C21orf91: variants seen among roughly 807,000 people sequenced by gnomAD.
C21orf91 encodes the protein chromosome 21 open reading frame 91.
C21orf91 carries 26 observed loss-of-function variants against 32.9 expected under a neutral mutation model. The ratio of observed to expected loss-of-function variants is 0.79; its 90% CI spans 0.58 to 1.10. The LOEUF (loss-of-function observed/expected upper bound fraction) is 1.10, where lower values mean the gene tolerates loss of function less well. Among genes scored for constraint, C21orf91 ranks in the 50% least tolerant of loss-of-function variants. The pLI is 0.00. For synonymous variants in C21orf91, 126 were observed against 120.4 expected, an observed-to-expected ratio of 1.05 and a Z score of -0.31; for missense variants, 310 against 341.3, an observed-to-expected ratio of 0.91 and a Z score of 0.72.
chr21:17,802,861 G>C (rs1281274577), intron 2 of C21orf91, among the ~76,000 whole-genome samples: 3 of 152,184 alleles, frequency 2.0e-5, no homozygotes, highest in Admixed American at 6.5e-5. Context: ...ACTATATGTT[G>C]AATTGGATTA....
rs780460019 is a variant in C21orf91 at position 17,793,532 on chromosome 21, G to A, written c.777C>T (p.Ala259=). The part of the protein sequence containing the change: ...THQVQEKDSL[A]SQLHVRHVAI... Reference sequence around the variant, plus strand: ...CAACGTGGCGGACATGGAGCTGTGAGGCCAAAGAATCTTTTTCTTGCACTT... The same window carrying A: ...CAACGTGGCGGACATGGAGCTGTGAAGCCAAAGAATCTTTTTCTTGCACTT... The change falls in exon 5 of 5, where the codon GCC becomes GCT. Residue 259 remains alanine (A), a synonymous_variant. Coordinates refer to ENST00000284881, the MANE Select transcript of C21orf91 (RefSeq NM_001100420.2). 6.2e-7 allele frequency: 1 copy of A among 1,613,600 alleles called. No homozygotes were observed. Among genetic ancestry groups the A allele is most frequent in the Non-Finnish European group, 8.5e-7 (1 of 1,179,656 alleles).
At chr21:17,818,149 G>C (rs752705199) in intron 2 of C21orf91, 43 bp downstream of exon 2, 2 of 1,505,308 alleles carry the variant, frequency 1.3e-6, no homozygotes, top group East Asian at 2.3e-5. Flanking sequence ...AAGCAGCTGT[G>C]TTAAATTCAT....
rs895250566 is a variant in C21orf91, at chr21:17,789,134, C to A, written c.*4281G>T. 1 of 151,512 alleles carries A rather than the reference C, an allele frequency of 6.6e-6. No individual in the cohort carries two copies. The highest frequency in any genetic ancestry group is 1.5e-5 in the Non-Finnish European group (1 of 67,950). The allele number at this position is 151,512 out of a possible 1,614,324, so 9.4% of individuals were successfully genotyped here. On this transcript the variant is annotated 3_prime_UTR_variant, in exon 5 of 5. Coordinates refer to ENST00000284881, the MANE Select transcript of C21orf91 (RefSeq NM_001100420.2). The stretch of plus-strand genomic sequence containing the variant: ...TTTTTTGAAACAAACTTGGTTTTTA[C>A]CACAGCAGTTTCATTTTCTTTTTCC...
intron 2 of C21orf91, among the ~76,000 whole-genome samples, chr21:17,802,626 CAT>C (rs935917037): frequency 2.6e-5 from 4 of 152,214 alleles, no homozygotes; most frequent in African/African-American, 9.6e-5. Flanking sequence ...AGTTCTACCA[CAT>C]GTCCCATGAT....
At chr21:17,802,732 G>A (rs1372081259) in intron 2 of C21orf91, among the ~76,000 whole-genome samples, 1 of 152,194 alleles carries the variant, frequency 6.6e-6, no homozygotes, top group Non-Finnish European at 1.5e-5. Context: ...TGATTCACCA[G>A]CTGGTCCTGT....
Position 17,791,661 on chromosome 21 carries a change from G to T in C21orf91, c.*1754C>A, listed in dbSNP as rs928329589. 6.6e-6 allele frequency: 1 copy of T among 152,016 alleles called. No individual in the cohort carries two copies. Among genetic ancestry groups the T allele is most frequent in the African/African-American group, 2.4e-5 (1 of 41,400 alleles). The allele number at this position is 152,016 out of a possible 1,614,324, so 9.4% of individuals were successfully genotyped here. ...CAATTAAGCACTAAGATATTAATCA[G>T]GAAATGTATTTACCCAGCTTGTAAG... On this transcript the variant is annotated 3_prime_UTR_variant, in exon 5 of 5. Transcript: ENST00000284881.
At chr21:17,818,575 T>C (rs1600894210) in intron 1 of C21orf91, among the ~76,000 whole-genome samples, 2 of 152,210 alleles carry the variant, frequency 1.3e-5, no homozygotes, top group South Asian at 4.1e-4. Flanking sequence ...CTATAGTTGA[T>C]TGGGTTAGTG....
chr21:17,817,591 A>G (rs1349798721), intron 2 of C21orf91: 3 of 152,058 alleles, frequency 2.0e-5, no homozygotes, highest in Non-Finnish European at 2.9e-5. Flanking sequence ...AATCCTTCCA[A>G]TAGGGCTTTT....
Position 17,790,903 on chromosome 21 carries a change from A to C in C21orf91, c.*2512T>G, listed in dbSNP as rs150268877. 416 of 152,206 alleles carry C rather than the reference A, an allele frequency of 2.7e-3. 1 individual carries two copies. The highest frequency in any genetic ancestry group is 9.7e-3 in the African/African-American group (402 of 41,576). The allele number at this position is 152,206 out of a possible 1,614,324, so 9.4% of individuals were successfully genotyped here. On this transcript the variant is annotated 3_prime_UTR_variant, in exon 5 of 5. Coordinates refer to ENST00000284881, the MANE Select transcript of C21orf91 (RefSeq NM_001100420.2). ...AGATTTGTCTTATCTCACTCCCCTT[A>C]ATCATATAAGCTCTGAAAATTTAGT... is the stretch of plus-strand genomic sequence containing the variant.
intron 2 of C21orf91, among the ~76,000 whole-genome samples, chr21:17,816,256 A>G (rs2062664335): frequency 6.6e-6 from 1 of 152,244 alleles, no homozygotes; most frequent in Admixed American, 6.5e-5. Flanking sequence ...ATCAGAGCTG[A>G]AATGTTAAGA....
Position 17,791,089 on chromosome 21 carries a change from C to T in C21orf91, c.*2326G>A, listed in dbSNP as rs1422348732. Reference sequence around the variant, plus strand: ...TCTCTTGTTAGAACTCAACTCTGTACCTGATACTTATATTTGCATACACAG... The same window carrying T: ...TCTCTTGTTAGAACTCAACTCTGTATCTGATACTTATATTTGCATACACAG... On this transcript the variant is annotated 3_prime_UTR_variant, in exon 5 of 5. Coordinates refer to ENST00000284881, the MANE Select transcript of C21orf91 (RefSeq NM_001100420.2). The T allele has an allele frequency of 1.3e-5, 2 of 151,998 alleles. No individual in the cohort carries two copies. The highest frequency in any genetic ancestry group is 2.4e-5 in the African/African-American group (1 of 41,424). The allele number at this position is 151,998 out of a possible 1,614,324, so 9.4% of individuals were successfully genotyped here.
At position 17,789,235 on chromosome 21, in the gene C21orf91, A is replaced by G. The variant is rs1190179273; in HGVS notation, c.*4180T>C. ...AAGTTCAATGACCATAGTATACGCT[A>G]CTGTTTTAAAGCAAGGTTCACACAC... On this transcript the variant is annotated 3_prime_UTR_variant, in exon 5 of 5. Coordinates refer to ENST00000284881, the MANE Select transcript of C21orf91 (RefSeq NM_001100420.2). 1 of 144,300 alleles carries G rather than the reference A, an allele frequency of 6.9e-6. No individual in the cohort carries two copies. Among genetic ancestry groups the G allele is most frequent in the Non-Finnish European group, 1.5e-5 (1 of 66,944 alleles). The allele number at this position is 144,300 out of a possible 1,614,324, so 8.9% of individuals were successfully genotyped here.
rs1406114391 is a variant in C21orf91, at chr21:17,790,192, A to G, written c.*3223T>C. The G allele has an allele frequency of 6.6e-6, 1 of 152,132 alleles. No homozygotes were observed. The highest frequency in any genetic ancestry group is 1.9e-4 in the East Asian group (1 of 5,198). The allele number at this position is 152,132 out of a possible 1,614,324, so 9.4% of individuals were successfully genotyped here. A position where few individuals can be genotyped will look rare whatever the true frequency, so the allele number is the denominator to read the frequency against. On this transcript the variant is annotated 3_prime_UTR_variant, in exon 5 of 5. Transcript: ENST00000284881. ...TACACAAATAATTTACTCTTTAAAA[A>G]TTCCTACTTTAGAGCATTTACATTT...
rs76258208 is a variant in C21orf91 at position 17,803,077 on chromosome 21, T to A, written c.128-5959A>T. Among the ~76,000 whole-genome samples the A allele has an allele frequency of 8.5e-4, 129 of 152,322 alleles. 3 individuals carry two copies. The East Asian group carries it at 0.024, about 28-fold the overall frequency. ...TAGGGAACTGGGAGTATGGGTTTGC[T>A]AAATGGTGGGCTTATGTGTTCTTTC... On this transcript the variant is annotated intron_variant, in intron 2 of 4. Coordinates refer to ENST00000284881, the MANE Select transcript of C21orf91 (RefSeq NM_001100420.2).
intron 2 of C21orf91, among the ~76,000 whole-genome samples, chr21:17,805,931 G>A (rs935175553): frequency 5.3e-5 from 8 of 151,986 alleles, no homozygotes; most frequent in African/African-American, 1.9e-4. Context: ...CTTACATGGG[G>A]CATATGGAGA....
In C21orf91 at chr21:17,818,303, G is replaced by A; in HGVS notation, c.16C>T (p.Gln6Ter). Residue 6 changes from glutamine to a stop codon, truncating the protein, a stop_gained, in exon 2 of 5, where the codon CAG (glutamine) becomes TAG (stop). Transcript: ENST00000284881. LOFTEE classifies it high-confidence loss of function. The part of the protein sequence containing the change: MNEEE[Q>*]FVNIDLNDDN... The stretch of plus-strand genomic sequence containing the variant: ...TCATTCAAATCAATGTTTACAAACT[G>A]CTCCTCTTCGTTCATAGTGCCCCTA... The A allele has an allele frequency of 6.2e-7, 1 of 1,610,670 alleles. No homozygotes were observed. Among genetic ancestry groups the A allele is most frequent in the Middle Eastern group, 1.7e-4 (1 of 6,044 alleles).
intron 2 of C21orf91, among the ~76,000 whole-genome samples, chr21:17,805,288 C>A (rs1470059594): frequency 6.6e-6 from 1 of 152,168 alleles, no homozygotes; most frequent in African/African-American, 2.4e-5. Context: ...GAAGCTATCA[C>A]CATTTCTTTT....
At chr21:17,808,999 C>T (rs1217933387) in intron 2 of C21orf91, 1 of 152,316 alleles carries the variant, frequency 6.6e-6, no homozygotes, top group Non-Finnish European at 1.5e-5. Flanking sequence ...TTCTTCTTCT[C>T]TCTCTCTTCC....
chr21:17,817,652 G>T (rs983475659), intron 2 of C21orf91: 5 of 151,710 alleles, frequency 3.3e-5, no homozygotes, highest in Non-Finnish European at 7.4e-5. Context: ...ATATCTTAGG[G>T]ACATTATTAA....
Sources: allele counts gnomAD v4.1 joint callset (sites outside exome capture counted in the v4.1 genomes callset), GRCh38; gene constraint gnomAD v4.1.1; transcripts MANE v1.5; gene names NCBI Gene and HGNC (gene_info 2026-07-23, HGNC 2026-07-21).